Variants in RPL23A observed in about 807,000 individuals in gnomAD.
The protein encoded by RPL23A is large ribosomal subunit protein uL23.
Under a neutral mutation model 17.6 loss-of-function variants are expected in RPL23A, and 2 were observed. The observed-to-expected ratio is 0.11, with a 90% CI of 0.05 to 0.36. The LOEUF (loss-of-function observed/expected upper bound fraction) is 0.36, where lower values mean the gene tolerates loss of function less well. Ranked by LOEUF, RPL23A falls within the 10% of genes least tolerant of loss-of-function variation. RPL23A has a pLI of 1.00. For synonymous variants in RPL23A, 65 were observed against 74.3 expected (o/e 0.87, Z 0.65); for missense variants, 132 against 194.4 (o/e 0.68, Z 1.91).
chr17:28,720,833 C>T lies in RPL23A; in HGVS notation c.152C>T (p.Thr51Ile). 1 of 1,614,044 alleles carries T rather than the reference C, an allele frequency of 6.2e-7. No individual in the cohort carries two copies. Among genetic ancestry groups the T allele is most frequent in the Non-Finnish European group, 8.5e-7 (1 of 1,179,868 alleles). The change falls in exon 2 of 5, where the codon ACA (threonine) becomes ATA (isoleucine). Residue 51 changes from threonine (T) to isoleucine (I), a missense_variant. Thr to Ile is a moderately conservative substitution (Grantham distance 89, BLOSUM62 -1). Transcript: ENST00000422514. ...TCACCCACCTTCCGGCGGCCGAAGA[C>T]ACTGCGACTCCGGAGACAGCCCAAA... is the stretch of plus-strand genomic sequence containing the variant. ...RTSPTFRRPK[T>I]LRLRRQPKYP... is the part of the protein sequence containing the mutation.
chr17:28,722,418 C>T, intron 2 of RPL23A: 1 of 466,308 alleles, frequency 2.1e-6, no homozygotes, highest in Non-Finnish European at 4.2e-6. Context: ...ACCTCGTGAT[C>T]AGCCTGCCTC....
chr17:28,720,064 C>T, intron 1 of RPL23A, 34 bp downstream of exon 1: 3 of 1,550,664 alleles, frequency 1.9e-6, no homozygotes, highest in Non-Finnish European at 2.6e-6. Flanking sequence ...AGCTGGTTTA[C>T]CGGGGATTGC....
At chr17:28,720,927 G>T (rs776451942) in intron 2 of RPL23A, 37 bp downstream of exon 2, 2 of 1,576,200 alleles carry the variant, frequency 1.3e-6, no homozygotes, top group Admixed American at 3.5e-5. Flanking sequence ...AAAGATTTGG[G>T]TATTCTCCAT....
Position 28,722,652 on chromosome 17 carries a change from C to T in RPL23A, c.210-71C>T, listed in dbSNP as rs760821128. The T allele has an allele frequency of 4.5e-5, 57 of 1,275,524 alleles. No homozygotes were observed. The South Asian group carries it at 6.4e-4, about 14-fold the overall frequency. 79.0% of individuals were successfully genotyped at this position (1,275,524 alleles called of 1,614,324 possible). A position where few individuals can be genotyped will look rare whatever the true frequency, so the allele number is the denominator to read the frequency against. On this transcript the variant is annotated intron_variant, in intron 2 of 4. Transcript: ENST00000422514. ...GATTGGTACCTCGTTGTCTGATGCACCTAGGCTCTCCTGGCTCTGGGCTCC... is the reference window on the plus strand; with the variant it reads ...GATTGGTACCTCGTTGTCTGATGCATCTAGGCTCTCCTGGCTCTGGGCTCC...
At chr17:28,720,083 A>G in intron 1 of RPL23A, 53 bp downstream of exon 1, 1 of 1,548,626 alleles carries the variant, frequency 6.5e-7, no homozygotes, top group South Asian at 1.2e-5. Flanking sequence ...GCCGCGCCGC[A>G]GAGCGAACGA....
intron 1 of RPL23A, chr17:28,720,276 G>C: frequency 6.5e-7 from 1 of 1,543,174 alleles, no homozygotes; most frequent in Non-Finnish European, 8.8e-7. Flanking sequence ...CCAGACATTC[G>C]GTTCTGGGAA....
intron 3 of RPL23A, chr17:28,723,316 T>C (rs368363667): frequency 3.2e-5 from 21 of 665,574 alleles, no homozygotes; most frequent in South Asian, 1.5e-4. Context: ...CCTACTTCTA[T>C]TGGGAAAGGC....
chr17:28,723,496 A>C, intron 3 of RPL23A, 75 bp from the exon 4 acceptor site: 1 of 1,007,724 alleles, frequency 9.9e-7, no homozygotes, highest in Non-Finnish European at 1.6e-6. Flanking sequence ...GAAGTGCCGG[A>C]GGACTGGAGG....
chr17:28,723,355 C>T (rs2034150105), intron 3 of RPL23A: 3 of 747,304 alleles, frequency 4.0e-6, no homozygotes, highest in Non-Finnish European at 7.4e-6. Context: ...GGCAGATTAC[C>T]TTGGTTTAAG....
chr17:28,720,409 C>T (rs539402452), intron 1 of RPL23A: 2 of 1,596,670 alleles, frequency 1.3e-6, no homozygotes, highest in Non-Finnish European at 8.5e-7. Flanking sequence ...CCCCTCTCTC[C>T]GCAGCGTGGT....
At chr17:28,722,634 A>G (rs768587651) in intron 2 of RPL23A, 89 bp from the exon 3 acceptor site, 1 of 1,044,458 alleles carries the variant, frequency 9.6e-7, no homozygotes, top group Admixed American at 1.7e-5. Context: ...AGTGATTGGT[A>G]CCTCGTTGTC....
At chr17:28,723,662 C>T (rs1349617763) in intron 4 of RPL23A, 22 bp downstream of exon 4, 1 of 1,606,196 alleles carries the variant, frequency 6.2e-7, no homozygotes. Context: ...TCCTACAAAC[C>T]CCTTAATGCT....
intron 2 of RPL23A, chr17:28,722,411 T>C (rs1378354385): frequency 2.2e-6 from 1 of 454,658 alleles, no homozygotes; most frequent in African/African-American, 2.0e-5. Flanking sequence ...TCTCTTGACC[T>C]CGTGATCAGC....
At chr17:28,721,112 G>A in intron 2 of RPL23A, 1 of 440,962 alleles carries the variant, frequency 2.3e-6, no homozygotes, top group South Asian at 2.2e-5. Context: ...AGCACTTTGG[G>A]AGGCCGAGGG....
Position 28,720,853 on chromosome 17 carries a change from C to G in RPL23A, c.172C>G (p.Pro58Ala), listed in dbSNP as rs376012807. The G allele has an allele frequency of 1.5e-5, 25 of 1,614,024 alleles. No individual in the cohort carries two copies. The highest frequency in any genetic ancestry group is 9.3e-5 in the African/African-American group (7 of 75,028). ...RPKTLRLRRQ[P>A]KYPRKSAPRR... ...GAAGACACTGCGACTCCGGAGACAGCCCAAATATCCTCGGAAGAGCGCTCC... is the reference window on the plus strand; with the variant it reads ...GAAGACACTGCGACTCCGGAGACAGGCCAAATATCCTCGGAAGAGCGCTCC... Residue 58 changes from proline to alanine, a missense_variant, in exon 2 of 5, where the codon CCC (proline) becomes GCC (alanine). Pro to Ala is a conservative substitution (Grantham distance 27). This residue lies in a region of RPL23A where 69 missense variants were observed against 145.5 expected (regional missense o/e 0.47). Coordinates refer to ENST00000422514, the MANE Select transcript of RPL23A (RefSeq NM_000984.6).
intron 2 of RPL23A, chr17:28,721,193 A>G (rs2034108362): frequency 3.8e-6 from 1 of 264,976 alleles, no homozygotes; most frequent in African/African-American, 2.2e-5. Context: ...CGTCTATTAA[A>G]AATAGAAAAT....
chr17:28,723,388 T>G (rs1597797749), intron 3 of RPL23A, 183 bp from the exon 4 acceptor site: 2 of 766,050 alleles, frequency 2.6e-6, no homozygotes, highest in South Asian at 2.7e-5. Flanking sequence ...CTGTGGTGTT[T>G]CCCATAAGAG....
In RPL23A at chr17:28,720,540, C is replaced by T. The variant is rs758097684; in HGVS notation, c.26-167C>T. 4.8e-5 allele frequency: 69 copies of T among 1,435,602 alleles called. No individual in the cohort carries two copies. In the Middle Eastern group the frequency reaches 8.8e-4, roughly 18 times the overall value. The allele number at this position is 1,435,602 out of a possible 1,614,324, so 88.9% of individuals were successfully genotyped here. ...GTTACTTAGAGTTGGTCGCTTTCGC[C>T]TCTGGTATCGTGCATATGATGGAAA... On this transcript the variant is annotated intron_variant, in intron 1 of 4. Coordinates refer to ENST00000422514, the MANE Select transcript of RPL23A (RefSeq NM_000984.6).
In RPL23A at chr17:28,723,192, A is replaced by T. The variant is rs192965297; in HGVS notation, c.386+293A>T. On this transcript the variant is annotated intron_variant, in intron 3 of 4. Coordinates refer to ENST00000422514, the MANE Select transcript of RPL23A (RefSeq NM_000984.6). Reference sequence around the variant, plus strand: ...CTTGACTTAAACTTGGTGTAGGTTTAGCAGTGTGTGTGAGCCTTGAGGCAG... The same window carrying T: ...CTTGACTTAAACTTGGTGTAGGTTTTGCAGTGTGTGTGAGCCTTGAGGCAG... The T allele has an allele frequency of 9.4e-4, 497 of 526,904 alleles. 1 individual carries two copies. The highest frequency in any genetic ancestry group is 1.4e-3 in the Non-Finnish European group (425 of 294,104). The allele number at this position is 526,904 out of a possible 1,614,324, so 32.6% of individuals were successfully genotyped here. A position where few individuals can be genotyped will look rare whatever the true frequency, so the allele number is the denominator to read the frequency against.
Sources: allele counts gnomAD v4.1 joint callset, GRCh38; gene constraint gnomAD v4.1.1; regional missense constraint gnomAD v4.1.1; transcripts MANE v1.5; gene names NCBI Gene and HGNC (gene_info 2026-07-23, HGNC 2026-07-21).